CSNK2B: variants seen among roughly 807,000 people sequenced by gnomAD.
CSNK2B encodes casein kinase 2 beta.
In CSNK2B, 2 loss-of-function variants were observed where a neutral mutation model predicts 28.8. The observed-to-expected ratio is 0.07, with a 90% CI of 0.03 to 0.22. The LOEUF (loss-of-function observed/expected upper bound fraction) is 0.22, where lower values mean the gene tolerates loss of function less well. Among genes scored for constraint, CSNK2B ranks in the 10% least tolerant of loss-of-function variants. The probability of loss-of-function intolerance (pLI) is 1.00; values close to 1 mark genes in which losing one functional copy is unlikely to be tolerated. For missense variants in CSNK2B, 107 were observed against 277.9 expected (o/e 0.39, Z 4.37); for synonymous variants, 89 against 96.1 (o/e 0.93, Z 0.43).
chr6:31,667,933 T>C lies in CSNK2B; in HGVS notation c.138T>C (p.Tyr46=), dbSNP rs14365. The C allele has an allele frequency of 0.21, 329,178 of 1,576,318 alleles. 38,254 individuals carry two copies. Among genetic ancestry groups the C allele is most frequent in the African/African-American group, 0.4 (28,929 of 72,740 alleles). The part of the protein sequence containing the change: ...LTGLNEQVPH[Y]RQALDMILDL... Reference sequence around the variant, plus strand: ...GACTCAATGAGCAGGTCCCTCACTATCGACAAGCTCTAGACATGATCTTGG... The same window carrying C: ...GACTCAATGAGCAGGTCCCTCACTACCGACAAGCTCTAGACATGATCTTGG... Residue 46 remains tyrosine (Y), a synonymous_variant, in exon 3 of 7, where the codon TAT becomes TAC. Transcript: ENST00000375882.
At chr6:31,667,833 A>T (rs2151185242) in intron 2 of CSNK2B, 35 bp from the exon 3 acceptor site, 1 of 1,287,476 alleles carries the variant, frequency 7.8e-7, no homozygotes, top group South Asian at 1.6e-5. Context: ...GAGGATTTTG[A>T]TATGGGTTCC....
intron 3 of CSNK2B, chr6:31,668,206 GGTCTGGTTTGTT>G (rs1396952692): frequency 1.6e-6 from 1 of 612,450 alleles, no homozygotes; most frequent in African/African-American, 1.9e-5. Flanking sequence ...TTTCCTCATG[GGTCTGGTTTGTT>G]GTCTGTTTCT....
At position 31,669,911 on chromosome 6, in the gene CSNK2B, C is replaced by G. The variant is rs565819046; in HGVS notation, c.633C>G (p.Val211=). Residue 211 remains valine (V), a synonymous_variant, in exon 7 of 7, where the codon GTC becomes GTG. Coordinates refer to ENST00000375882, the MANE Select transcript of CSNK2B (RefSeq NM_001320.7). The surrounding 1 kb of genome is among the most constrained non-coding windows in gnomAD (Gnocchi z 4.8). ...LQAASNFKSP[V]KTIR ...CCGCCAGCAACTTCAAGAGCCCAGTCAAGACGATTCGCTGATTCCCTCCCC... is the reference window on the plus strand; with the variant it reads ...CCGCCAGCAACTTCAAGAGCCCAGTGAAGACGATTCGCTGATTCCCTCCCC... 1.9e-6 allele frequency: 3 copies of G among 1,612,812 alleles called. No individual in the cohort carries two copies. The highest frequency in any genetic ancestry group is 4.5e-5 in the East Asian group (2 of 44,886).
chr6:31,666,977 T>C (rs748981620), intron 2 of CSNK2B, 74 bp downstream of exon 2: 3 of 1,204,522 alleles, frequency 2.5e-6, no homozygotes, highest in East Asian at 2.3e-5. Flanking sequence ...CATATTCCAC[T>C]TCTGCACTGT....
rs1285041587 is a variant in CSNK2B at position 31,669,831 on chromosome 6, C to T, written c.558-5C>T. On this transcript the variant is annotated splice_polypyrimidine_tract_variant and splice_region_variant and intron_variant, in intron 6 of 6. Coordinates refer to ENST00000375882, the MANE Select transcript of CSNK2B (RefSeq NM_001320.7). This position sits in a 1 kb window ranked among gnomAD's most constrained non-coding sequence, Gnocchi z 4.8. ...GCTGCCTCTCTGACCTCTGCCCTGG[C>T]CTAGGCTCTACGGTTTCAAGATCCA... 2.5e-6 allele frequency: 4 copies of T among 1,611,826 alleles called. No individual in the cohort carries two copies. The highest frequency in any genetic ancestry group is 3.4e-6 in the Non-Finnish European group (4 of 1,179,502).
At chr6:31,668,835 G>A in intron 4 of CSNK2B, 181 bp downstream of exon 4, 1 of 631,556 alleles carries the variant, frequency 1.6e-6, no homozygotes, top group South Asian at 1.9e-5. Context: ...TTGTTTTCAG[G>A]GAGGGAGACA....
At chr6:31,666,749 A>T in intron 1 of CSNK2B, 72 bp from the exon 2 acceptor site, 3 of 1,276,170 alleles carry the variant, frequency 2.4e-6, no homozygotes, top group Non-Finnish European at 3.3e-6. Flanking sequence ...GGAGGGCCGA[A>T]TGTGGGAGGA....
Position 31,669,288 on chromosome 6 carries a change from A to G in CSNK2B, c.368-31A>G. On this transcript the variant is annotated intron_variant, in intron 5 of 6. Transcript: ENST00000375882. This position sits in a 1 kb window ranked among gnomAD's most constrained non-coding sequence, Gnocchi z 4.8. ...GGAGGTTAGGTAGGAATAGGGGGAT[A>G]CCTGGCCTGCTGAGTCTGGCTGTCT... 6.2e-7 allele frequency: 1 copy of G among 1,606,492 alleles called. No homozygotes were observed. The highest frequency in any genetic ancestry group is 8.5e-7 in the Non-Finnish European group (1 of 1,174,292).
Position 31,668,993 on chromosome 6 carries a change from A to G in CSNK2B, c.292-104A>G. ...TAGTCCAGAGAAGGGGCCTCTGGAC[A>G]GAGGTGGGAGGAGTGGGGGACAGAG... On this transcript the variant is annotated intron_variant, in intron 4 of 6. Coordinates refer to ENST00000375882, the MANE Select transcript of CSNK2B (RefSeq NM_001320.7). The G allele has an allele frequency of 3.6e-6, 3 of 822,914 alleles. No homozygotes were observed. The South Asian group carries it at 4.4e-5, about 12-fold the overall frequency. The allele number at this position is 822,914 out of a possible 1,614,324, so 51.0% of individuals were successfully genotyped here. A position where few individuals can be genotyped will look rare whatever the true frequency, so the allele number is the denominator to read the frequency against.
intron 2 of CSNK2B, chr6:31,667,227 G>C (rs943278255): frequency 2.0e-6 from 1 of 511,890 alleles, no homozygotes; most frequent in South Asian, 1.6e-5. Flanking sequence ...TGCCTCCCAG[G>C]TTCAAGCGAT....
chr6:31,666,967 C>T, intron 2 of CSNK2B, 64 bp downstream of exon 2: 1 of 1,292,794 alleles, frequency 7.7e-7, no homozygotes, highest in African/African-American at 1.5e-5. Context: ...CGTTCCTTCA[C>T]ATATTCCACT....
At chr6:31,668,229 C>T (rs1188995845) in intron 3 of CSNK2B, 2 of 607,266 alleles carry the variant, frequency 3.3e-6, no homozygotes, top group Non-Finnish European at 2.9e-6. Context: ...GTCTGTTTCT[C>T]CTGCTTTGCA....
Position 31,669,563 on chromosome 6 carries a change from A to C in CSNK2B, c.557+55A>C. 6.4e-7 allele frequency: 1 copy of C among 1,561,172 alleles called. No homozygotes were observed. Among genetic ancestry groups the C allele is most frequent in the South Asian group, 1.2e-5 (1 of 86,072 alleles). On this transcript the variant is annotated intron_variant, in intron 6 of 6. Coordinates refer to ENST00000375882, the MANE Select transcript of CSNK2B (RefSeq NM_001320.7). The surrounding 1 kb of genome is among the most constrained non-coding windows in gnomAD (Gnocchi z 4.8). ...AAAGGAAAGGCCCAAGATCCCCCAG[A>C]GAGGGGAGGACAGGGCATGGCCCTT... is the stretch of plus-strand genomic sequence containing the variant.
At chr6:31,667,727 G>A in intron 2 of CSNK2B, 141 bp from the exon 3 acceptor site, 1 of 491,698 alleles carries the variant, frequency 2.0e-6, no homozygotes, top group Non-Finnish European at 3.6e-6. Context: ...AGAGACACAA[G>A]TACTTCTGCT....
Position 31,667,923 on chromosome 6 carries a change from T to C in CSNK2B, c.128T>C (p.Val43Ala). ...KFNLTGLNEQ[V>A]PHYRQALDMI... ...AATCTTACTGGACTCAATGAGCAGGTCCCTCACTATCGACAAGCTCTAGAC... is the reference window on the plus strand; with the variant it reads ...AATCTTACTGGACTCAATGAGCAGGCCCCTCACTATCGACAAGCTCTAGAC... The change falls in exon 3 of 7, where the codon GTC becomes GCC. Residue 43 changes from valine to alanine, a missense_variant. Val to Ala is a moderately conservative substitution (Grantham distance 64). Coordinates refer to ENST00000375882, the MANE Select transcript of CSNK2B (RefSeq NM_001320.7). 1.3e-6 allele frequency: 2 copies of C among 1,569,906 alleles called. No homozygotes were observed. Among genetic ancestry groups the C allele is most frequent in the Non-Finnish European group, 1.7e-6 (2 of 1,162,220 alleles).
chr6:31,667,724 C>T, intron 2 of CSNK2B, 144 bp from the exon 3 acceptor site: 1 of 488,872 alleles, frequency 2.0e-6, no homozygotes, highest in Non-Finnish European at 3.6e-6. Context: ...GGGAGAGACA[C>T]AAGTACTTCT....
Position 31,669,548 on chromosome 6 carries a change from C to T in CSNK2B, c.557+40C>T, listed in dbSNP as rs1329084348. On this transcript the variant is annotated intron_variant, in intron 6 of 6. Coordinates refer to ENST00000375882, the MANE Select transcript of CSNK2B (RefSeq NM_001320.7). This position sits in a 1 kb window ranked among gnomAD's most constrained non-coding sequence, Gnocchi z 4.8. ...GAGTCATTAAGGGTCAAAGGAAAGG[C>T]CCAAGATCCCCCAGAGAGGGGAGGA... The T allele has an allele frequency of 3.2e-6, 5 of 1,579,194 alleles. No homozygotes were observed. Among genetic ancestry groups the T allele is most frequent in the South Asian group, 1.1e-5 (1 of 87,904 alleles).
rs757234583 is a variant in CSNK2B at position 31,666,931 on chromosome 6, C to G, written c.72+28C>G. The G allele has an allele frequency of 1.8e-5, 28 of 1,551,246 alleles. No individual in the cohort carries two copies. In the Middle Eastern group the frequency reaches 6.7e-4, roughly 37 times the overall value. ...GAGTTCTCTTCAACCTCCCTACTTG[C>G]CAGCTTCACATATCTTCCCACCAGA... On this transcript the variant is annotated intron_variant, in intron 2 of 6. Transcript: ENST00000375882.
At position 31,669,937 on chromosome 6, in the gene CSNK2B, C is replaced by T. The variant is rs775573534; in HGVS notation, c.*11C>T. 31 of 1,610,554 alleles carry T rather than the reference C, an allele frequency of 1.9e-5. 1 individual carries two copies. The highest frequency in any genetic ancestry group is 8.0e-5 in the African/African-American group (6 of 74,852). ...AAGACGATTCGCTGATTCCCTCCCCCACCTGTCCTGCAGTCTTTGACTTTT... is the reference window on the plus strand; with the variant it reads ...AAGACGATTCGCTGATTCCCTCCCCTACCTGTCCTGCAGTCTTTGACTTTT... On this transcript the variant is annotated 3_prime_UTR_variant, in exon 7 of 7. Coordinates refer to ENST00000375882, the MANE Select transcript of CSNK2B (RefSeq NM_001320.7). The surrounding 1 kb of genome is among the most constrained non-coding windows in gnomAD (Gnocchi z 4.8).
Sources: allele counts gnomAD v4.1 joint callset, GRCh38; gene constraint gnomAD v4.1.1; non-coding constraint Gnocchi (gnomAD v3.1); transcripts MANE v1.5; gene names NCBI Gene and HGNC (gene_info 2026-07-23, HGNC 2026-07-21).